Variants in NOL4L observed in about 807,000 individuals in gnomAD.
The protein encoded by NOL4L is nucleolar protein 4 like.
In NOL4L, 7 loss-of-function variants were observed where a neutral mutation model predicts 64.5. The observed-to-expected ratio is 0.11, with a 90% CI of 0.06 to 0.20. The LOEUF is 0.20. Ranked by LOEUF, NOL4L falls within the 10% of genes least tolerant of loss-of-function variation. NOL4L has a pLI of 1.00. For synonymous variants in NOL4L, 413 were observed against 401.0 expected (o/e 1.03, Z -0.36); for missense variants, 680 against 967.1 (o/e 0.70, Z 3.94).
intron 1 of NOL4L, among the ~76,000 whole-genome samples, chr20:32,574,542 C>A (rs775433330): frequency 1.3e-5 from 2 of 152,142 alleles, no homozygotes; most frequent in Non-Finnish European, 2.9e-5. Flanking sequence ...CAGACAAGGC[C>A]GGAGGCCCGA....
rs2012254809 is a variant in NOL4L at position 32,444,636 on chromosome 20, A to C, written c.*2960T>G. 6.6e-6 allele frequency: 1 copy of C among 152,204 alleles called. No homozygotes were observed. Among genetic ancestry groups the C allele is most frequent in the African/African-American group, 2.4e-5 (1 of 41,448 alleles). The allele number at this position is 152,204 out of a possible 1,614,324, so 9.4% of individuals were successfully genotyped here. On this transcript the variant is annotated 3_prime_UTR_variant, in exon 11 of 11. Coordinates refer to ENST00000621426, the MANE Select transcript of NOL4L (RefSeq NM_001256798.2). ...TCACTTGTCTACCTGATGATCCACC[A>C]CTAAGACCAATGCCCACTTCTCTGA...
chr20:32,496,557 C>CT (rs879559445), intron 4 of NOL4L, among the ~76,000 whole-genome samples: 1,839 of 144,772 alleles, frequency 0.013, 36 homozygotes, highest in African/African-American at 0.04. Flanking sequence ...TTCTTTCTTT[C>CT]TTTTTTTTTT....
At chr20:32,529,601 C>T (rs1446054097) in intron 1 of NOL4L, among the ~76,000 whole-genome samples, 1 of 152,208 alleles carries the variant, frequency 6.6e-6, no homozygotes, top group Admixed American at 6.5e-5. Context: ...TGTCTCTTCA[C>T]CAGCAGCCCA....
At chr20:32,584,000 C>T (rs1318682143) in intron 1 of NOL4L, among the ~76,000 whole-genome samples, 2 of 148,206 alleles carry the variant, frequency 1.3e-5, no homozygotes, top group African/African-American at 4.9e-5. Flanking sequence ...GGGCCAGCCC[C>T]GGGTGGGGTC....
At chr20:32,500,845 T>C (rs1190385420) in intron 4 of NOL4L, among the ~76,000 whole-genome samples, 1 of 152,108 alleles carries the variant, frequency 6.6e-6, no homozygotes, top group Admixed American at 6.5e-5. Flanking sequence ...GAACAATTTG[T>C]ACAACAAAAT....
intron 4 of NOL4L, among the ~76,000 whole-genome samples, chr20:32,491,149 G>A (rs907726817): frequency 6.6e-6 from 1 of 152,242 alleles, no homozygotes; most frequent in Non-Finnish European, 1.5e-5. Context: ...CAGGCCAGCA[G>A]GGGAGAGAGA....
chr20:32,516,209 C>T (rs982414546), intron 3 of NOL4L, among the ~76,000 whole-genome samples: 2 of 151,754 alleles, frequency 1.3e-5, no homozygotes, highest in Admixed American at 1.3e-4. Flanking sequence ...ACAGAGAGGC[C>T]GTGAGACCAG....
At chr20:32,534,675 AC>A (rs1035874621) in intron 1 of NOL4L, among the ~76,000 whole-genome samples, 1 of 151,424 alleles carries the variant, frequency 6.6e-6, no homozygotes, top group Non-Finnish European at 1.5e-5. Context: ...CAATACGGTG[AC>A]CCCCACTCCC....
chr20:32,523,700 T>TTC (rs1458307282), intron 2 of NOL4L, among the ~76,000 whole-genome samples: 1 of 152,308 alleles, frequency 6.6e-6, no homozygotes, highest in Admixed American at 6.5e-5. Context: ...TCCAGGACCC[T>TTC]TGTCCCTGCC....
intron 4 of NOL4L, among the ~76,000 whole-genome samples, chr20:32,488,189 C>T (rs745322550): frequency 6.6e-6 from 1 of 152,182 alleles, no homozygotes; most frequent in Non-Finnish European, 1.5e-5. Flanking sequence ...CTTGGCCTTC[C>T]AAAGACCCAC....
intron 1 of NOL4L, among the ~76,000 whole-genome samples, chr20:32,548,198 C>T (rs2018755903): frequency 6.6e-6 from 1 of 152,182 alleles, no homozygotes; most frequent in South Asian, 2.1e-4. Context: ...CAGGATTGAA[C>T]CTACATTTGC....
At chr20:32,514,985 C>T (rs140737125) in intron 3 of NOL4L, among the ~76,000 whole-genome samples, 17 of 152,258 alleles carry the variant, frequency 1.1e-4, no homozygotes, top group African/African-American at 4.1e-4. Flanking sequence ...TTGGGAGGCA[C>T]GGAGGCGGGG....
rs956508778 is a variant in NOL4L, at chr20:32,542,499, T to C, written c.322-14586A>G. On this transcript the variant is annotated intron_variant, in intron 1 of 10. Coordinates refer to ENST00000621426, the MANE Select transcript of NOL4L (RefSeq NM_001256798.2). Reference sequence around the variant, plus strand: ...CTCCCAAGTAACTGGACCATAGGCATGTGTCACTACACCTGGCTAATCTTT... The same window carrying C: ...CTCCCAAGTAACTGGACCATAGGCACGTGTCACTACACCTGGCTAATCTTT... Among the ~76,000 whole-genome samples, 20 of 152,086 alleles carry C rather than the reference T, an allele frequency of 1.3e-4. 1 individual carries two copies. The highest frequency in any genetic ancestry group is 4.8e-4 in the African/African-American group (20 of 41,412).
intron 4 of NOL4L, chr20:32,475,127 G>A (rs2015305189): frequency 1.0e-6 from 1 of 985,468 alleles, no homozygotes; most frequent in Non-Finnish European, 1.2e-6. Flanking sequence ...ACAGGACCCG[G>A]CGGCAAGAAG....
At chr20:32,540,906 G>A (rs1388890937) in intron 1 of NOL4L, among the ~76,000 whole-genome samples, 1 of 151,774 alleles carries the variant, frequency 6.6e-6, no homozygotes, top group Non-Finnish European at 1.5e-5. Flanking sequence ...CCATTCCTCA[G>A]ATGAGGAAAC....
intron 1 of NOL4L, among the ~76,000 whole-genome samples, chr20:32,539,953 G>T (rs543851426): frequency 2.6e-5 from 4 of 152,308 alleles, no homozygotes; most frequent in African/African-American, 7.2e-5. Context: ...GGGCTGATAT[G>T]AGCTGAATCC....
At chr20:32,584,279 G>A (rs1244409692) in intron 1 of NOL4L, among the ~76,000 whole-genome samples, 1 of 151,274 alleles carries the variant, frequency 6.6e-6, no homozygotes, top group African/African-American at 2.4e-5. Context: ...CGGGGGGAGG[G>A]GACAAGAGGA....
chr20:32,475,508 C>G (rs576029239), intron 4 of NOL4L, among the ~76,000 whole-genome samples: 1 of 152,212 alleles, frequency 6.6e-6, no homozygotes, highest in African/African-American at 2.4e-5. Flanking sequence ...CTGCCGGCTT[C>G]GGGCCGGCCC....
chr20:32,481,969 G>GGT (rs1555794912), intron 4 of NOL4L, among the ~76,000 whole-genome samples: 12 of 149,068 alleles, frequency 8.1e-5, no homozygotes, highest in Non-Finnish European at 1.6e-4. Flanking sequence ...CGGGGCGGGG[G>GGT]GGGGGGAGCA....
Sources: allele counts gnomAD v4.1 joint callset (sites outside exome capture counted in the v4.1 genomes callset), GRCh38; gene constraint gnomAD v4.1.1; transcripts MANE v1.5; gene names NCBI Gene and HGNC (gene_info 2026-07-23, HGNC 2026-07-21).